SLC14A2: variants seen among roughly 807,000 people sequenced by gnomAD.
SLC14A2 encodes the protein urea transporter 2.
Under a neutral mutation model 104.6 loss-of-function variants are expected in SLC14A2, and 91 were observed. That is an observed-to-expected ratio of 0.87 (90% CI 0.73 to 1.04). SLC14A2 has a LOEUF of 1.04. Ranked by LOEUF, SLC14A2 falls within the 50% of genes least tolerant of loss-of-function variation. The probability of loss-of-function intolerance (pLI) is 0.00; values close to 1 mark genes in which losing one functional copy is unlikely to be tolerated. For synonymous variants in SLC14A2, 476 were observed against 466.4 expected, an observed-to-expected ratio of 1.02 and a Z score of -0.27; for missense variants, 1,189 against 1,156.0, an observed-to-expected ratio of 1.03 and a Z score of -0.41.
chr18:45,652,039 C>T (rs1232657332), intron 10 of SLC14A2, among the ~76,000 whole-genome samples: 1 of 152,224 alleles, frequency 6.6e-6, no homozygotes, highest in Non-Finnish European at 1.5e-5. Flanking sequence ...GTGGTTATAT[C>T]AGACCAGTGT....
chr18:45,673,167 C>A, intron 17 of SLC14A2, 120 bp downstream of exon 17: 1 of 944,186 alleles, frequency 1.1e-6, no homozygotes, highest in Non-Finnish European at 1.6e-6. Flanking sequence ...TTCCCTCCTT[C>A]TGTTGTACCC....
At chr18:45,670,512 T>C (rs765110456) in intron 16 of SLC14A2, among the ~76,000 whole-genome samples, 10 of 152,200 alleles carry the variant, frequency 6.6e-5, no homozygotes, top group African/African-American at 9.7e-5. Context: ...ACAAAATCAC[T>C]TGGGCTTGTT....
intron 1 of SLC14A2, among the ~76,000 whole-genome samples, chr18:45,301,495 G>A (rs952637608): frequency 1.3e-5 from 2 of 152,134 alleles, no homozygotes; most frequent in Non-Finnish European, 2.9e-5. Context: ...GTGTCCTGAG[G>A]CCCCACCTCT....
chr18:45,303,247 G>T (rs762473964), intron 1 of SLC14A2, among the ~76,000 whole-genome samples: 1 of 152,150 alleles, frequency 6.6e-6, no homozygotes, highest in Non-Finnish European at 1.5e-5. Context: ...TTACCAGCTG[G>T]CGTTTGCCTT....
intron 2 of SLC14A2, among the ~76,000 whole-genome samples, chr18:45,565,163 C>T (rs1202834219): frequency 8.8e-5 from 13 of 147,684 alleles, no homozygotes; most frequent in Non-Finnish European, 1.3e-4. Context: ...CTTGCTCTGT[C>T]GCCCAGGCTG....
chr18:45,288,417 T>A (rs1467382118), intron 1 of SLC14A2, among the ~76,000 whole-genome samples: 1 of 152,150 alleles, frequency 6.6e-6, no homozygotes. Flanking sequence ...GCAACGATGG[T>A]GACAATAATG....
chr18:45,667,608 C>A (rs1024980294), intron 13 of SLC14A2, among the ~76,000 whole-genome samples: 1 of 152,334 alleles, frequency 6.6e-6, no homozygotes, highest in Middle Eastern at 3.4e-3. Context: ...GCCAGAAAAA[C>A]AACCTGGAGG....
At chr18:45,177,005 A>G in the SLC14A2 span, among the ~76,000 whole-genome samples, 1 of 152,252 alleles carries the variant, frequency 6.6e-6, no homozygotes, top group South Asian at 2.1e-4. Flanking sequence ...AAATAACCTC[A>G]TGCTTTTTCC....
At chr18:45,168,141 G>A in the SLC14A2 span, among the ~76,000 whole-genome samples, 9 of 152,134 alleles carry the variant, frequency 5.9e-5, no homozygotes, top group East Asian at 7.7e-4. Context: ...TTTTCTTTTC[G>A]TGTGATTCAT....
the SLC14A2 span, among the ~76,000 whole-genome samples, chr18:45,198,984 A>G: frequency 6.6e-6 from 1 of 152,128 alleles, no homozygotes; most frequent in Admixed American, 6.5e-5. Flanking sequence ...TTTCTGATGA[A>G]TTATACCCTA....
chr18:45,389,512 T>C (rs2612578), intron 1 of SLC14A2, among the ~76,000 whole-genome samples: 92,095 of 152,084 alleles, frequency 0.61, 28,784 homozygotes, highest in East Asian at 0.82. Context: ...ATTCTTATAG[T>C]TACTTCAGGA....
chr18:45,473,823 A>G (rs1348213327), intron 1 of SLC14A2, among the ~76,000 whole-genome samples: 2 of 152,204 alleles, frequency 1.3e-5, no homozygotes, highest in African/African-American at 4.8e-5. Context: ...GTCATCTGCA[A>G]ACAGAAACAA....
At chr18:45,391,299 C>A (rs1297476705) in intron 1 of SLC14A2, among the ~76,000 whole-genome samples, 1 of 152,152 alleles carries the variant, frequency 6.6e-6, no homozygotes, top group East Asian at 1.9e-4. Context: ...TGTATATGTG[C>A]CACACTTTCT....
At chr18:45,370,583 A>G in intron 1 of SLC14A2, among the ~76,000 whole-genome samples, 1 of 152,224 alleles carries the variant, frequency 6.6e-6, no homozygotes, top group East Asian at 1.9e-4. Flanking sequence ...CGGACATGAC[A>G]GGGTAACCAC....
the SLC14A2 span, among the ~76,000 whole-genome samples, chr18:45,189,614 A>G: frequency 1.3e-5 from 2 of 152,184 alleles, no homozygotes; most frequent in African/African-American, 4.8e-5. Context: ...TGGCAAAATT[A>G]TTTAACCTCT....
In SLC14A2 at chr18:45,323,106, A is replaced by G. The variant is rs192534750; in HGVS notation, c.-125+109915A>G. ...TGATTCAGACCGTATGGACCTCACA[A>G]GGCTATTTTTTCAGAGTAAACTAAT... On this transcript the variant is annotated intron_variant, in intron 1 of 20. Transcript: ENST00000586448. 3.7e-4 allele frequency among the ~76,000 whole-genome samples: 56 copies of G among 152,258 alleles called. No individual in the cohort carries two copies. In the East Asian group the frequency reaches 6.9e-3, roughly 19 times the overall value.
intron 1 of SLC14A2, among the ~76,000 whole-genome samples, chr18:45,311,417 A>C (rs890604810): frequency 2.0e-5 from 3 of 152,188 alleles, no homozygotes; most frequent in Non-Finnish European, 2.9e-5. Flanking sequence ...TGAGCACAGA[A>C]AGGTTAAAAG....
At chr18:45,452,952 T>A (rs938656215) in intron 1 of SLC14A2, among the ~76,000 whole-genome samples, 2 of 152,160 alleles carry the variant, frequency 1.3e-5, no homozygotes, top group Non-Finnish European at 2.9e-5. Flanking sequence ...ACTGAAGCAA[T>A]TGCTTAGACA....
chr18:45,634,759 A>G (rs967270670), intron 5 of SLC14A2: 1 of 454,154 alleles, frequency 2.2e-6, no homozygotes, highest in African/African-American at 2.0e-5. Context: ...AAGCAGTTAG[A>G]GAGTTTTAGG....
Sources: allele counts gnomAD v4.1 joint callset (sites outside exome capture counted in the v4.1 genomes callset), GRCh38; gene constraint gnomAD v4.1.1; transcripts MANE v1.5; gene names NCBI Gene and HGNC (gene_info 2026-07-23, HGNC 2026-07-21).